PRKG2: variants seen among roughly 807,000 people sequenced by gnomAD.
The protein encoded by PRKG2 is cGMP-dependent protein kinase 2.
PRKG2 carries 33 observed loss-of-function variants against 97.2 expected under a neutral mutation model. The ratio of observed to expected loss-of-function variants is 0.34; its 90% CI spans 0.26 to 0.45. The LOEUF (loss-of-function observed/expected upper bound fraction) is 0.45, where lower values mean the gene tolerates loss of function less well. PRKG2 is among the 20% of genes least tolerant of loss of function. PRKG2 has a pLI of 1.00. For missense variants in PRKG2, 638 were observed against 900.0 expected (o/e 0.71, Z 3.73); for synonymous variants, 330 against 321.8 (o/e 1.03, Z -0.27).
chr4:81,202,394 G>A (rs796846384), intron 2 of PRKG2, among the ~76,000 whole-genome samples: 7 of 152,194 alleles, frequency 4.6e-5, no homozygotes, highest in African/African-American at 1.7e-4. Flanking sequence ...TTTTGCAAGG[G>A]AAACTGAGGT....
intron 14 of PRKG2, among the ~76,000 whole-genome samples, chr4:81,124,868 T>C (rs1412434980): frequency 3.3e-5 from 5 of 152,212 alleles, no homozygotes; most frequent in Admixed American, 6.5e-5. Context: ...ATGGGAACTT[T>C]GTTTATCCCA....
intron 17 of PRKG2, among the ~76,000 whole-genome samples, chr4:81,102,912 T>C (rs925599152): frequency 1.3e-5 from 2 of 152,098 alleles, no homozygotes; most frequent in Non-Finnish European, 2.9e-5. Context: ...AAAAGATCTA[T>C]AAAGGAATGA....
At chr4:81,105,041 C>T (rs151126530) in intron 16 of PRKG2, among the ~76,000 whole-genome samples, 6 of 152,088 alleles carry the variant, frequency 3.9e-5, no homozygotes, top group East Asian at 1.9e-4. Context: ...TTCATTATCA[C>T]GACTAATTTT....
chr4:81,110,617 A>G lies in PRKG2; in HGVS notation c.1777-6T>C, dbSNP rs755043797. On this transcript the variant is annotated splice_region_variant and splice_polypyrimidine_tract_variant and intron_variant, in intron 14 of 18. Transcript: ENST00000264399. The stretch of plus-strand genomic sequence containing the variant: ...TTCGCAAATCCAAAGTCAACCTGGT[A>G]AAGAATAGCAAAGAAATTGTGCAGA... The G allele has an allele frequency of 6.2e-7, 1 of 1,613,392 alleles. No homozygotes were observed. Among genetic ancestry groups the G allele is most frequent in the Non-Finnish European group, 8.5e-7 (1 of 1,179,760 alleles).
chr4:81,110,704 C>A (rs955396399), intron 14 of PRKG2, 93 bp from the exon 15 acceptor site: 10 of 1,301,906 alleles, frequency 7.7e-6, no homozygotes, highest in South Asian at 7.4e-5. Context: ...GCTTTCTACA[C>A]CCCACCCTTC....
At chr4:81,142,666 A>C in intron 11 of PRKG2, 128 bp downstream of exon 11, 1 of 1,205,192 alleles carries the variant, frequency 8.3e-7, no homozygotes, top group South Asian at 2.1e-5. Flanking sequence ...TTACTTTCTC[A>C]ATTTCAGTTC....
At chr4:81,133,442 C>T (rs1395109134) in intron 14 of PRKG2, among the ~76,000 whole-genome samples, 2 of 152,124 alleles carry the variant, frequency 1.3e-5, no homozygotes, top group African/African-American at 4.8e-5. Context: ...AATCAAACCT[C>T]TAGACCACCT....
chr4:81,202,534 T>G (rs1402671399), intron 2 of PRKG2, among the ~76,000 whole-genome samples: 1 of 152,190 alleles, frequency 6.6e-6, no homozygotes, highest in Non-Finnish European at 1.5e-5. Context: ...TCTTTAGGAC[T>G]TAATCATTAA....
chr4:81,107,649 A>T (rs949638111), intron 15 of PRKG2, among the ~76,000 whole-genome samples: 1 of 151,910 alleles, frequency 6.6e-6, no homozygotes, highest in Non-Finnish European at 1.5e-5. Flanking sequence ...GGTAGCTGGG[A>T]CTACAGGTGC....
chr4:81,103,504 T>C (rs1033263984), intron 17 of PRKG2, among the ~76,000 whole-genome samples: 2 of 152,128 alleles, frequency 1.3e-5, no homozygotes, highest in Admixed American at 1.3e-4. Context: ...GGTTAAGAAT[T>C]TGAGGATATT....
At chr4:81,185,737 T>A (rs1412450442) in intron 2 of PRKG2, among the ~76,000 whole-genome samples, 3 of 152,088 alleles carry the variant, frequency 2.0e-5, no homozygotes, top group African/African-American at 7.2e-5. Context: ...CCATCTCACA[T>A]GCAAACACAA....
intron 1 of PRKG2, among the ~76,000 whole-genome samples, chr4:81,210,297 C>T (rs1753902877): frequency 1.3e-5 from 2 of 151,678 alleles, no homozygotes; most frequent in African/African-American, 2.4e-5. Flanking sequence ...AAAAAACAAG[C>T]CATAGACTGA....
In PRKG2 at chr4:81,171,704, A is replaced by G. The variant is rs761557485; in HGVS notation, c.729T>C (p.Thr243=). 1 of 1,599,274 alleles carries G rather than the reference A, an allele frequency of 6.3e-7. No individual in the cohort carries two copies. The highest frequency in any genetic ancestry group is 1.1e-5 in the South Asian group (1 of 88,388). The change falls in exon 4 of 19, where the codon ACT becomes ACC. Residue 243 remains threonine, a synonymous_variant. Coordinates refer to ENST00000264399, the MANE Select transcript of PRKG2 (RefSeq NM_006259.3). ...ELAILYNCTR[T]ASVKAITNVK... Reference sequence around the variant, plus strand: ...CTCTTTTATTACCTTTCACAGAGGCAGTCCTTGTACAATTGTATAAAATGG... The same window carrying G: ...CTCTTTTATTACCTTTCACAGAGGCGGTCCTTGTACAATTGTATAAAATGG...
At position 81,187,267 on chromosome 4, in the gene PRKG2, C is replaced by T. The variant is rs185866831; in HGVS notation, c.462-12308G>A. Among the ~76,000 whole-genome samples, 17 of 152,308 alleles carry T rather than the reference C, an allele frequency of 1.1e-4. No individual in the cohort carries two copies. In the East Asian group the frequency reaches 3.3e-3, roughly 29 times the overall value. On this transcript the variant is annotated intron_variant, in intron 2 of 18. Transcript: ENST00000264399. ...CCGAATCCAGCAGCACATCAAAAAG[C>T]TTATCCACTAGGATAAAGTCGGCTT...
chr4:81,114,328 A>G (rs190651048), intron 14 of PRKG2, among the ~76,000 whole-genome samples: 1 of 152,260 alleles, frequency 6.6e-6, no homozygotes, highest in East Asian at 1.9e-4. Context: ...TGGTGAAAAA[A>G]AAAAAAGAAT....
chr4:81,092,300 G>C, intron 18 of PRKG2, 86 bp downstream of exon 18: 4 of 773,276 alleles, frequency 5.2e-6, no homozygotes, highest in Non-Finnish European at 8.0e-6. Context: ...ATCTGTTATG[G>C]GCATATACAT....
At chr4:81,138,484 T>G (rs552824726) in intron 12 of PRKG2, among the ~76,000 whole-genome samples, 1 of 152,296 alleles carries the variant, frequency 6.6e-6, no homozygotes, top group South Asian at 2.1e-4. Flanking sequence ...AACTTCTGTC[T>G]TCTCATTGTT....
At chr4:81,117,040 T>A (rs1744613139) in intron 14 of PRKG2, among the ~76,000 whole-genome samples, 2 of 139,042 alleles carry the variant, frequency 1.4e-5, no homozygotes, top group Non-Finnish European at 3.0e-5. Flanking sequence ...TCACCCAGGC[T>A]GGAGTGCAGT....
chr4:81,197,327 G>T (rs1250134661), intron 2 of PRKG2, among the ~76,000 whole-genome samples: 1 of 152,174 alleles, frequency 6.6e-6, no homozygotes, highest in African/African-American at 2.4e-5. Context: ...AAAATGTAAG[G>T]GAGAAGAGGT....
Sources: gnomAD v4.1 joint callset for allele counts (sites outside exome capture counted in the v4.1 genomes callset) on GRCh38, gnomAD v4.1.1 for gene constraint, MANE v1.5 for transcripts, NCBI Gene and HGNC (gene_info 2026-07-23, HGNC 2026-07-21) for gene names.